Variants in UGGT2 observed in about 807,000 individuals in gnomAD.
UGGT2 encodes the protein UDP-glucose glycoprotein glucosyltransferase 2.
Under a neutral mutation model 192.1 loss-of-function variants are expected in UGGT2, and 180 were observed. The ratio of observed to expected loss-of-function variants is 0.94; its 90% confidence interval spans 0.83 to 1.06. The LOEUF is 1.06. Among genes scored for constraint, UGGT2 ranks in the 50% least tolerant of loss-of-function variants. The probability of loss-of-function intolerance (pLI) is 0.00; values close to 1 mark genes in which losing one functional copy is unlikely to be tolerated. For missense variants in UGGT2, 1,849 were observed against 1,795.7 expected (o/e 1.03, Z -0.54); for synonymous variants, 580 against 591.0 (o/e 0.98, Z 0.27).
At chr13:95,982,243 C>T (rs1851666923) in intron 10 of UGGT2, among the ~76,000 whole-genome samples, 1 of 152,154 alleles carries the variant, frequency 6.6e-6, no homozygotes, top group Admixed American at 6.5e-5. Context: ...AATGAAAAGC[C>T]GCCCCCAAAT....
intron 10 of UGGT2, among the ~76,000 whole-genome samples, chr13:95,979,153 C>CTG (rs1473779166): frequency 1.3e-5 from 2 of 152,060 alleles, no homozygotes; most frequent in Non-Finnish European, 2.9e-5. Context: ...TTGCAATAAA[C>CTG]AACAAAGACG....
intron 1 of UGGT2, among the ~76,000 whole-genome samples, chr13:96,044,309 G>C (rs990592198): frequency 6.6e-6 from 1 of 152,080 alleles, no homozygotes; most frequent in Non-Finnish European, 1.5e-5. Context: ...TTTTTGAACC[G>C]AACAACAACA....
chr13:95,834,671 C>T lies in UGGT2; in HGVS notation c.4402-1618G>A, dbSNP rs1201669141. 2.0e-5 allele frequency among the ~76,000 whole-genome samples: 3 copies of T among 152,124 alleles called. No individual in the cohort carries two copies. In the East Asian group the frequency reaches 5.8e-4, roughly 29 times the overall value. On this transcript the variant is annotated intron_variant, in intron 37 of 38. Transcript: ENST00000376747. ...TTAGTGTTTCTATGAGGGAGACGGG[C>T]TGAACACCAAAATTTGTGCCACTTC...
chr13:95,866,260 T>A (rs1890645749), intron 30 of UGGT2, among the ~76,000 whole-genome samples: 1 of 152,314 alleles, frequency 6.6e-6, no homozygotes, highest in South Asian at 2.1e-4. Flanking sequence ...TCCCAGCAAT[T>A]ATTTTTAAAC....
At chr13:95,845,227 C>G (rs997128006) in intron 36 of UGGT2, among the ~76,000 whole-genome samples, 25 of 151,346 alleles carry the variant, frequency 1.7e-4, no homozygotes, top group South Asian at 6.4e-4. Context: ...TCTCGGAGAG[C>G]GGGATTTGGC....
chr13:95,978,544 G>GT (rs2051013388), intron 10 of UGGT2, among the ~76,000 whole-genome samples: 1 of 151,964 alleles, frequency 6.6e-6, no homozygotes, highest in African/African-American at 2.4e-5. Context: ...GATCCCATTT[G>GT]TCCAAATTGC....
intron 20 of UGGT2, among the ~76,000 whole-genome samples, chr13:95,923,368 C>CTTT (rs67003679): frequency 1.1e-4 from 13 of 119,656 alleles, no homozygotes; most frequent in Non-Finnish European, 1.5e-4. Flanking sequence ...TCAGCATATT[C>CTTT]TTTTTTTTTT....
chr13:96,026,541 ATTTC>A (rs1014854176), intron 2 of UGGT2, among the ~76,000 whole-genome samples: 4 of 151,794 alleles, frequency 2.6e-5, no homozygotes, highest in Non-Finnish European at 4.4e-5. Flanking sequence ...CATTCAATAA[ATTTC>A]TTTAATATTT....
At position 95,949,358 on chromosome 13, in the gene UGGT2, TG is replaced by T; in HGVS notation, c.1431del (p.Ile478Ter). 6.4e-7 allele frequency: 1 copy of T among 1,568,620 alleles called. No homozygotes were observed. Among genetic ancestry groups the T allele is most frequent in the Non-Finnish European group, 8.6e-7 (1 of 1,156,620 alleles). Reference sequence around the variant, plus strand: ...ACCAAATTATGAAAATTGCGCCTTATGGAAGGTACACTTCCAGGAAATACTG... The same window carrying T: ...ACCAAATTATGAAAATTGCGCCTTATGAAGGTACACTTCCAGGAAATACTG... ...LKPVFPGSVP[S>X]IRRNFHNLVL... On this transcript the variant is annotated frameshift_variant, in exon 13 of 39. Coordinates refer to ENST00000376747, the MANE Select transcript of UGGT2 (RefSeq NM_020121.4). LOFTEE classifies it high-confidence loss of function.
chr13:95,839,435 C>T (rs1054387396), intron 36 of UGGT2, among the ~76,000 whole-genome samples: 2 of 152,118 alleles, frequency 1.3e-5, no homozygotes, highest in Admixed American at 6.6e-5. Flanking sequence ...ACAATGTTGT[C>T]AAGGTCCATC....
At chr13:95,837,235 T>A in intron 36 of UGGT2, 33 bp from the exon 37 acceptor site, 1 of 1,477,926 alleles carries the variant, frequency 6.8e-7, no homozygotes, top group Non-Finnish European at 9.5e-7. Context: ...CATAGACGTA[T>A]GAAATTTAGA....
intron 20 of UGGT2, among the ~76,000 whole-genome samples, chr13:95,906,823 C>T (rs1394571804): frequency 6.6e-5 from 10 of 152,212 alleles, no homozygotes; most frequent in Middle Eastern, 3.4e-3. Context: ...CCAAGATGGC[C>T]GAATAGGAAC....
At position 95,903,164 on chromosome 13, in the gene UGGT2, T is replaced by C. The variant is rs2048162276; in HGVS notation, c.2296-104A>G. 1.3e-5 allele frequency: 14 copies of C among 1,071,696 alleles called. No homozygotes were observed. In the South Asian group the frequency reaches 2.4e-4, roughly 18 times the overall value. 66.4% of individuals were successfully genotyped at this position (1,071,696 alleles called of 1,614,324 possible). On this transcript the variant is annotated intron_variant, in intron 20 of 38. Coordinates refer to ENST00000376747, the MANE Select transcript of UGGT2 (RefSeq NM_020121.4). ...AGTTTGTTCACTGTATCATGCACCA[T>C]CTTTCACTATCAAAGCCCTCCCATG...
intron 25 of UGGT2, among the ~76,000 whole-genome samples, chr13:95,888,671 A>C (rs1048502027): frequency 6.6e-6 from 1 of 152,214 alleles, no homozygotes; most frequent in African/African-American, 2.4e-5. Flanking sequence ...AGGTCACTGA[A>C]CCACTGTTTT....
At position 95,901,049 on chromosome 13, in the gene UGGT2, T is replaced by C. The variant is rs145086614; in HGVS notation, c.2503-111A>G. The C allele has an allele frequency of 1.6e-5, 13 of 797,854 alleles. No individual in the cohort carries two copies. In the East Asian group the frequency reaches 3.8e-4, roughly 23 times the overall value. 49.4% of individuals were successfully genotyped at this position (797,854 alleles called of 1,614,324 possible). A position where few individuals can be genotyped will look rare whatever the true frequency, so the allele number is the denominator to read the frequency against. On this transcript the variant is annotated intron_variant, in intron 21 of 38. Coordinates refer to ENST00000376747, the MANE Select transcript of UGGT2 (RefSeq NM_020121.4). Reference sequence around the variant, plus strand: ...AAAATTTTAAATAATACTTTCAAAATCATTATTTGGTATAATTTTCTTTGA... The same window carrying C: ...AAAATTTTAAATAATACTTTCAAAACCATTATTTGGTATAATTTTCTTTGA...
chr13:95,947,912 C>A (rs756406826), intron 14 of UGGT2, 84 bp downstream of exon 14: 41 of 1,112,148 alleles, frequency 3.7e-5, no homozygotes, highest in Non-Finnish European at 4.8e-5. Flanking sequence ...GCTTTGAATG[C>A]CCTATTAATA....
intron 38 of UGGT2, among the ~76,000 whole-genome samples, chr13:95,806,008 G>C (rs1328807949): frequency 4.6e-5 from 5 of 109,322 alleles, no homozygotes; most frequent in Non-Finnish European, 9.0e-5. Context: ...TGGACAGAGA[G>C]AACAGAGATA....
At chr13:95,821,344 T>C (rs1885491176) in intron 38 of UGGT2, among the ~76,000 whole-genome samples, 1 of 152,190 alleles carries the variant, frequency 6.6e-6, no homozygotes, top group African/African-American at 2.4e-5. Context: ...TGAATAGTAA[T>C]GTTGGGCATT....
At chr13:95,905,213 T>C (rs1355393508) in intron 20 of UGGT2, among the ~76,000 whole-genome samples, 3 of 150,922 alleles carry the variant, frequency 2.0e-5, no homozygotes, top group African/African-American at 7.3e-5. Context: ...GTCAGATGAG[T>C]AGGTTGTGGA....
Sources: allele counts gnomAD v4.1 joint callset (sites outside exome capture counted in the v4.1 genomes callset), GRCh38; gene constraint gnomAD v4.1.1; transcripts MANE v1.5; gene names NCBI Gene and HGNC (gene_info 2026-07-23, HGNC 2026-07-21).